Variants in WDFY4 observed in about 807,000 individuals in gnomAD.
WDFY4 encodes the protein WDFY family member 4.
A neutral mutation model predicts 351.9 loss-of-function variants in WDFY4; 169 were observed. The ratio of observed to expected loss-of-function variants is 0.48; its 90% CI spans 0.42 to 0.55. The LOEUF (loss-of-function observed/expected upper bound fraction) is 0.55, where lower values mean the gene tolerates loss of function less well. WDFY4 is among the 20% of genes least tolerant of loss of function. The pLI is 0.00. For missense variants in WDFY4, 3,803 were observed against 3,935.6 expected (o/e 0.97, Z 0.90); for synonymous variants, 1,622 against 1,574.6 (o/e 1.03, Z -0.71).
At chr10:48,891,567 T>G (rs1417540175) in intron 44 of WDFY4, among the ~76,000 whole-genome samples, 1 of 152,244 alleles carries the variant, frequency 6.6e-6, no homozygotes, top group Non-Finnish European at 1.5e-5. Flanking sequence ...TGACCCAGGT[T>G]CAGATAATGA....
chr10:48,907,088 GT>G (rs1380292527), intron 47 of WDFY4, among the ~76,000 whole-genome samples: 3 of 152,240 alleles, frequency 2.0e-5, no homozygotes, highest in Non-Finnish European at 4.4e-5. Context: ...CTCTGTATCA[GT>G]TCTCTGCATG....
chr10:48,893,056 G>A (rs536366798), intron 44 of WDFY4, among the ~76,000 whole-genome samples: 46 of 152,332 alleles, frequency 3.0e-4, no homozygotes, highest in African/African-American at 1.0e-3. Flanking sequence ...CCAAGGCAAG[G>A]CCATGCTTCC....
At chr10:48,956,450 T>C (rs1841595144) in intron 51 of WDFY4, among the ~76,000 whole-genome samples, 1 of 152,150 alleles carries the variant, frequency 6.6e-6, no homozygotes, top group South Asian at 2.1e-4. Context: ...CCAAATGCCA[T>C]GAGCTGTGTG....
chr10:48,899,338 G>A (rs1442883246), intron 45 of WDFY4, among the ~76,000 whole-genome samples: 4 of 152,178 alleles, frequency 2.6e-5, no homozygotes, highest in African/African-American at 7.2e-5. Flanking sequence ...GAGGAGAGAA[G>A]GTATGCAACA....
Position 48,969,242 on chromosome 10 carries a change from C to T in WDFY4, c.8763C>T (p.Ser2921=), listed in dbSNP as rs61733241. Residue 2921 remains serine, a synonymous_variant, in exon 56 of 62, where the codon TCC becomes TCT. Coordinates refer to ENST00000325239, the MANE Select transcript of WDFY4 (RefSeq NM_001394531.1). ...GCTGCTGCTTGGGGAGCTACGGCTC[C>T]GACAAGGTGAGGGGGCTGCAGGGAG... ...DFSCCLGSYG[S]DKVLMTFENL... is the part of the protein sequence containing the mutation. The T allele has an allele frequency of 1.9e-3, 3,009 of 1,551,212 alleles. 52 individuals carry two copies. In the African/African-American group the frequency reaches 0.035, roughly 18 times the overall value.
At chr10:48,756,830 A>G (rs989151801) in intron 12 of WDFY4, among the ~76,000 whole-genome samples, 1 of 151,996 alleles carries the variant, frequency 6.6e-6, no homozygotes. Context: ...ATATGTAGCT[A>G]GGTATTATTT....
chr10:48,750,208 TG>T (rs1259740656), intron 12 of WDFY4, among the ~76,000 whole-genome samples: 5 of 152,040 alleles, frequency 3.3e-5, no homozygotes, highest in Admixed American at 6.5e-5. Context: ...TGAGGAAGGG[TG>T]GGGGACAGTG....
At chr10:48,792,710 T>G (rs2066723886) in intron 23 of WDFY4, among the ~76,000 whole-genome samples, 1 of 152,180 alleles carries the variant, frequency 6.6e-6, no homozygotes, top group African/African-American at 2.4e-5. Context: ...ACCAAAATAA[T>G]TTTAATATAA....
Position 48,793,891 on chromosome 10 carries a change from G to A in WDFY4, c.4258-2407G>A, listed in dbSNP as rs150247079. Among the ~76,000 whole-genome samples, 16 of 152,300 alleles carry A rather than the reference G, an allele frequency of 1.1e-4. No individual in the cohort carries two copies. The East Asian group carries it at 1.9e-3, about 18-fold the overall frequency. On this transcript the variant is annotated intron_variant, in intron 23 of 61. Transcript: ENST00000325239. ...ATAAACCTTCCTATCTGTTATTTCT[G>A]TCTAGCTGATTTATCAGCCTCTTCT...
At chr10:48,690,825 A>T (rs1351222809) in intron 1 of WDFY4, among the ~76,000 whole-genome samples, 1 of 152,138 alleles carries the variant, frequency 6.6e-6, no homozygotes, top group Non-Finnish European at 1.5e-5. Context: ...GAGGGGAGGA[A>T]ATGAGAGCCA....
At chr10:48,907,682 T>C (rs1837690532) in intron 47 of WDFY4, among the ~76,000 whole-genome samples, 1 of 152,126 alleles carries the variant, frequency 6.6e-6, no homozygotes, top group Admixed American at 6.5e-5. Flanking sequence ...AAGTTCAAGC[T>C]CCCCTTCCTA....
intron 35 of WDFY4, 89 bp downstream of exon 35, chr10:48,822,626 C>T: frequency 7.4e-7 from 1 of 1,350,368 alleles, no homozygotes; most frequent in Admixed American, 3.0e-5. Flanking sequence ...GATCTGCCCT[C>T]CCTCCCTGGA....
At chr10:48,706,156 T>C (rs183298137) in intron 1 of WDFY4, among the ~76,000 whole-genome samples, 3 of 152,286 alleles carry the variant, frequency 2.0e-5, no homozygotes, top group Admixed American at 2.0e-4. Context: ...AGATTGAGAT[T>C]TGGGTGCCAT....
chr10:48,803,384 G>T, intron 25 of WDFY4, 25 bp downstream of exon 25: 1 of 1,550,090 alleles, frequency 6.5e-7, no homozygotes, highest in Non-Finnish European at 8.7e-7. Flanking sequence ...GGCAGCCTGG[G>T]GGTTAGAACT....
rs1554825944 is a variant in WDFY4, at chr10:48,982,877, T to TG, written c.*303dup. On this transcript the variant is annotated 3_prime_UTR_variant, in exon 62 of 62. Coordinates refer to ENST00000325239, the MANE Select transcript of WDFY4 (RefSeq NM_001394531.1). ...CTCACCTTATTAAGGGCTATTGCACTGAAAAAAAAAAAGATGGGTCGCTTA... is the reference window on the plus strand; with the variant it reads ...CTCACCTTATTAAGGGCTATTGCACTGGAAAAAAAAAAAGATGGGTCGCTTA... 2 of 241,006 alleles carry TG rather than the reference T, an allele frequency of 8.3e-6. No homozygotes were observed. The highest frequency in any genetic ancestry group is 1.6e-5 in the Non-Finnish European group (2 of 125,090). The allele number at this position is 241,006 out of a possible 1,614,324, so 14.9% of individuals were successfully genotyped here.
Position 48,775,889 on chromosome 10 carries a change from G to T in WDFY4, c.2863+83G>T, listed in dbSNP as rs545958673. On this transcript the variant is annotated intron_variant, in intron 15 of 61. Coordinates refer to ENST00000325239, the MANE Select transcript of WDFY4 (RefSeq NM_001394531.1). ...CCTGCTGAGGGATCCTTTACAACAGGTGGGAAAGCAAACAGGTTTAAACAT... is the reference window on the plus strand; with the variant it reads ...CCTGCTGAGGGATCCTTTACAACAGTTGGGAAAGCAAACAGGTTTAAACAT... 4.6e-6 allele frequency: 6 copies of T among 1,294,472 alleles called. No homozygotes were observed. In the East Asian group the frequency reaches 1.5e-4, roughly 33 times the overall value. 80.2% of individuals were successfully genotyped at this position (1,294,472 alleles called of 1,614,324 possible). A position where few individuals can be genotyped will look rare whatever the true frequency, so the allele number is the denominator to read the frequency against.
At chr10:48,810,857 G>A (rs1489374599) in intron 29 of WDFY4, 122 bp downstream of exon 29, 1 of 1,065,508 alleles carries the variant, frequency 9.4e-7, no homozygotes, top group Non-Finnish European at 1.3e-6. Context: ...ATCACCTCGA[G>A]CCCTGACTCC....
At chr10:48,849,712 A>G (rs2133166955) in intron 39 of WDFY4, among the ~76,000 whole-genome samples, 1 of 152,298 alleles carries the variant, frequency 6.6e-6, no homozygotes, top group South Asian at 2.1e-4. Context: ...AGTTTTCCCT[A>G]TTGTTAACAT....
chr10:48,924,056 A>T (rs1197293464), intron 47 of WDFY4, among the ~76,000 whole-genome samples: 1 of 152,184 alleles, frequency 6.6e-6, no homozygotes, highest in Non-Finnish European at 1.5e-5. Context: ...GCCTCTCTCC[A>T]AAGGGCCCTT....
Sources: gnomAD v4.1 joint callset for allele counts (sites outside exome capture counted in the v4.1 genomes callset) on GRCh38, gnomAD v4.1.1 for gene constraint, MANE v1.5 for transcripts, NCBI Gene and HGNC (gene_info 2026-07-23, HGNC 2026-07-21) for gene names.